Variants in LPP observed in about 807,000 individuals in gnomAD.
LPP encodes LIM domain containing preferred translocation partner in lipoma.
In LPP, 38 loss-of-function variants were observed where a neutral mutation model predicts 60.4. The ratio of observed to expected loss-of-function variants is 0.63; its 90% CI spans 0.49 to 0.83. The LOEUF (loss-of-function observed/expected upper bound fraction) is 0.83, where lower values mean the gene tolerates loss of function less well. Ranked by LOEUF, LPP falls within the 40% of genes least tolerant of loss-of-function variation. LPP has a pLI of 0.00. For synonymous variants in LPP, 328 were observed against 290.8 expected, an observed-to-expected ratio of 1.13 and a Z score of -1.30; for missense variants, 902 against 783.6, an observed-to-expected ratio of 1.15 and a Z score of -1.80.
intron 3 of LPP, among the ~76,000 whole-genome samples, chr3:188,382,988 C>T (rs1490304273): frequency 6.6e-6 from 1 of 152,144 alleles, no homozygotes; most frequent in East Asian, 1.9e-4. Flanking sequence ...ATCCAACTGC[C>T]TCATAGAAAA....
intron 9 of LPP, among the ~76,000 whole-genome samples, chr3:188,766,504 G>A (rs1397391612): frequency 1.3e-5 from 2 of 151,728 alleles, no homozygotes; most frequent in Non-Finnish European, 2.9e-5. Context: ...CTAGAAAATA[G>A]TTACAGTTAT....
chr3:188,255,269 A>G (rs1392347516), intron 2 of LPP, among the ~76,000 whole-genome samples: 1 of 152,198 alleles, frequency 6.6e-6, no homozygotes, highest in East Asian at 1.9e-4. Flanking sequence ...CCCACTCAAG[A>G]TATAGGAGCT....
intron 9 of LPP, among the ~76,000 whole-genome samples, chr3:188,807,947 A>G (rs1749677561): frequency 6.6e-6 from 1 of 152,132 alleles, no homozygotes; most frequent in East Asian, 1.9e-4. Context: ...GACATATTAT[A>G]TAGGATAATA....
intron 6 of LPP, among the ~76,000 whole-genome samples, chr3:188,525,291 A>C (rs567648396): frequency 6.6e-6 from 1 of 152,254 alleles, no homozygotes; most frequent in African/African-American, 2.4e-5. Context: ...ATCTTCTTAG[A>C]GTCAATGATT....
intron 9 of LPP, among the ~76,000 whole-genome samples, chr3:188,800,175 C>CTTT (rs35258838): frequency 0.11 from 12,423 of 115,458 alleles, 776 homozygotes; most frequent in Non-Finnish European, 0.16. Flanking sequence ...AACATTGTTT[C>CTTT]TTTTTTTTTT....
At chr3:188,556,018 A>G (rs550829121) in intron 6 of LPP, among the ~76,000 whole-genome samples, 1 of 152,266 alleles carries the variant, frequency 6.6e-6, no homozygotes, top group African/African-American at 2.4e-5. Context: ...GTGTCCAGAA[A>G]TGAAGTGAAA....
intron 6 of LPP, among the ~76,000 whole-genome samples, chr3:188,607,177 T>C (rs1222674426): frequency 6.9e-6 from 1 of 145,134 alleles, no homozygotes; most frequent in Non-Finnish European, 1.5e-5. Flanking sequence ...TATTTAAACA[T>C]CCTGAAGTCT....
intron 8 of LPP, among the ~76,000 whole-genome samples, chr3:188,737,927 A>C (rs908768694): frequency 6.6e-6 from 1 of 152,150 alleles, no homozygotes; most frequent in Admixed American, 6.5e-5. Flanking sequence ...TCTGCTTAGG[A>C]TATGGCTTAT....
chr3:188,760,409 G>GGGGTGTGTGTGT (rs1553836222), intron 9 of LPP, 127 bp downstream of exon 9: 16 of 602,810 alleles, frequency 2.7e-5, no homozygotes, highest in Middle Eastern at 3.8e-4. Context: ...GTGTGTGTGG[G>GGGGTGTGTGTGT]GTGTGTGTGT....
chr3:188,365,638 C>T (rs913831669), intron 3 of LPP, among the ~76,000 whole-genome samples: 35 of 151,742 alleles, frequency 2.3e-4, no homozygotes, highest in Admixed American at 2.2e-3. Flanking sequence ...GTTGCTGCCC[C>T]GTTGCTCAAA....
chr3:188,539,208 T>A (rs1276220765), intron 6 of LPP, among the ~76,000 whole-genome samples: 1 of 152,204 alleles, frequency 6.6e-6, no homozygotes, highest in Non-Finnish European at 1.5e-5. Context: ...CTGTATTGAA[T>A]AATTTGCCTA....
rs79078469 is a variant in LPP, at chr3:188,606,097, C to T, written c.430-3064C>T. On this transcript the variant is annotated intron_variant, in intron 6 of 11. Transcript: ENST00000617246. ...CTCTGGCTTGCTGATTGTGAAGTTC[C>T]GAGCTGACTGTCAAGAACGGTCACA... Among the ~76,000 whole-genome samples, 1,016 of 152,280 alleles carry T rather than the reference C, an allele frequency of 6.7e-3. 6 individuals carry two copies. The highest frequency in any genetic ancestry group is 0.022 in the African/African-American group (901 of 41,578).
Position 188,524,763 on chromosome 3 carries a change from C to T in LPP, c.405C>T (p.Ser135=). ...TCTTGGCTGACCTTGAGTGCAGCTC[C>T]CCCTATAAGCCTCGGCCTCCACAGG... ...TSILADLECS[S]PYKPRPPQSS... Residue 135 remains serine (S), a synonymous_variant, in exon 6 of 12, where the codon TCC becomes TCT. Coordinates refer to ENST00000617246, the MANE Select transcript of LPP (RefSeq NM_001375462.1). 2 of 1,613,948 alleles carry T rather than the reference C, an allele frequency of 1.2e-6. No individual in the cohort carries two copies. Among genetic ancestry groups the T allele is most frequent in the Non-Finnish European group, 1.7e-6 (2 of 1,179,936 alleles).
chr3:188,187,330 T>C (rs1017610093), intron 1 of LPP, among the ~76,000 whole-genome samples: 2 of 152,168 alleles, frequency 1.3e-5, no homozygotes, highest in Non-Finnish European at 2.9e-5. Context: ...TCACCACCTT[T>C]AAGCCACTTA....
chr3:188,158,698 C>T (rs1222691997), intron 1 of LPP, among the ~76,000 whole-genome samples: 1 of 152,132 alleles, frequency 6.6e-6, no homozygotes, highest in Non-Finnish European at 1.5e-5. Flanking sequence ...GATTACCAGT[C>T]TCATTTTGCA....
intron 7 of LPP, among the ~76,000 whole-genome samples, chr3:188,676,903 A>G (rs1858242977): frequency 6.6e-6 from 1 of 152,144 alleles, no homozygotes; most frequent in African/African-American, 2.4e-5. Flanking sequence ...CATTTGTTCT[A>G]TGAGGGGACT....
In LPP at chr3:188,882,061, T is replaced by A. The variant is rs77754221; in HGVS notation, c.*7582T>A. 0.038 allele frequency: 7,997 copies of A among 210,026 alleles called. 178 individuals carry two copies. Among genetic ancestry groups the A allele is most frequent in the Non-Finnish European group, 0.05 (5,217 of 103,502 alleles). 13.0% of individuals were successfully genotyped at this position (210,026 alleles called of 1,614,324 possible). On this transcript the variant is annotated 3_prime_UTR_variant, in exon 12 of 12. Coordinates refer to ENST00000617246, the MANE Select transcript of LPP (RefSeq NM_001375462.1). ...TTTATAATTACCAAATAATCACTGTTAGAGAATCAGCCCCTAAGTAACTTT... is the reference window on the plus strand; with the variant it reads ...TTTATAATTACCAAATAATCACTGTAAGAGAATCAGCCCCTAAGTAACTTT...
chr3:188,640,696 C>T (rs1441490962), intron 7 of LPP, among the ~76,000 whole-genome samples: 2 of 151,880 alleles, frequency 1.3e-5, no homozygotes, highest in African/African-American at 4.8e-5. Flanking sequence ...GTCTCATTGC[C>T]TTACCATATA....
intron 4 of LPP, among the ~76,000 whole-genome samples, chr3:188,415,569 A>G (rs1786003504): frequency 6.6e-6 from 1 of 152,108 alleles, no homozygotes; most frequent in Non-Finnish European, 1.5e-5. Flanking sequence ...CAGATGTTTC[A>G]GTGAAGTCTG....
Sources: allele counts gnomAD v4.1 joint callset (sites outside exome capture counted in the v4.1 genomes callset), GRCh38; gene constraint gnomAD v4.1.1; transcripts MANE v1.5; gene names NCBI Gene and HGNC (gene_info 2026-07-23, HGNC 2026-07-21).